SHROOM2: variants seen among roughly 807,000 people sequenced by gnomAD.
SHROOM2 encodes the protein shroom family member 2.
In SHROOM2, 33 loss-of-function variants were observed where a neutral mutation model predicts 75.9. The observed-to-expected ratio is 0.43, with a 90% CI of 0.33 to 0.58. SHROOM2 has a LOEUF of 0.58. Among genes scored for constraint, SHROOM2 ranks in the 20% least tolerant of loss-of-function variants. SHROOM2 has a pLI of 0.04. For missense variants in SHROOM2, 1,434 were observed against 1,461.2 expected (o/e 0.98, Z 0.30); for synonymous variants, 655 against 663.6 (o/e 0.99, Z 0.20).
intron 8 of SHROOM2, among the ~76,000 whole-genome samples, chrX:9,939,796 CTT>C (rs1033382406): frequency 4.5e-5 from 5 of 110,904 alleles, no homozygotes; most frequent in African/African-American, 9.8e-5. Context: ...AAAGTGGTAA[CTT>C]TTTTTTGAGA....
chrX:9,861,101 A>G (rs1601950590), intron 1 of SHROOM2, among the ~76,000 whole-genome samples: 1 of 112,423 alleles, frequency 8.9e-6, no homozygotes, highest in East Asian at 2.8e-4. Context: ...ATGCGATTAT[A>G]GTTAATGCTA....
At chrX:9,807,470 G>C (rs1360086145) in intron 1 of SHROOM2, among the ~76,000 whole-genome samples, 2 of 111,831 alleles carry the variant, frequency 1.8e-5, no homozygotes, top group Non-Finnish European at 3.8e-5. Flanking sequence ...ACAGGCTTCA[G>C]GTGTTTCTAA....
chrX:9,935,235 G>C (rs1187372314), intron 6 of SHROOM2, among the ~76,000 whole-genome samples: 1 of 111,366 alleles, frequency 9.0e-6, no homozygotes, highest in East Asian at 2.8e-4. Context: ...GAGCCGGGGG[G>C]GCGGGGGTGA....
At chrX:9,913,488 A>G (rs1238320565) in intron 5 of SHROOM2, among the ~76,000 whole-genome samples, 1 of 112,424 alleles carries the variant, frequency 8.9e-6, no homozygotes, top group Non-Finnish European at 1.9e-5. Flanking sequence ...GAAAGAGATG[A>G]TTAGTTTTGG....
At chrX:9,860,139 T>C (rs995719861) in intron 1 of SHROOM2, among the ~76,000 whole-genome samples, 10 of 111,777 alleles carry the variant, frequency 8.9e-5, no homozygotes, top group African/African-American at 3.3e-4. Flanking sequence ...AGGAGGGTGC[T>C]ACTGGCTTCT....
intron 2 of SHROOM2, among the ~76,000 whole-genome samples, chrX:9,889,653 G>A (rs2084279560): frequency 8.9e-6 from 1 of 112,343 alleles, no homozygotes; most frequent in African/African-American, 3.2e-5. Flanking sequence ...GGTGGGGACT[G>A]TGGCGGGGGA....
chrX:9,906,361 G>C (rs1226812899), intron 5 of SHROOM2, among the ~76,000 whole-genome samples: 1 of 111,867 alleles, frequency 8.9e-6, no homozygotes, highest in Admixed American at 9.5e-5. Flanking sequence ...TCTGATAGTG[G>C]TGATGGTGAC....
intron 5 of SHROOM2, among the ~76,000 whole-genome samples, chrX:9,902,339 A>C (rs1225531101): frequency 9.1e-6 from 1 of 110,450 alleles, no homozygotes; most frequent in Non-Finnish European, 1.9e-5. Context: ...ACATGGGTGC[A>C]TGGATGGATG....
intron 1 of SHROOM2, among the ~76,000 whole-genome samples, chrX:9,793,694 G>A (rs1466454559): frequency 9.0e-6 from 1 of 110,551 alleles, no homozygotes; most frequent in Non-Finnish European, 1.9e-5. Flanking sequence ...ATTTTTTGGT[G>A]TGGGGCCATC....
chrX:9,875,110 A>AAAAAAAAAG (rs2084192753), intron 2 of SHROOM2, among the ~76,000 whole-genome samples: 38 of 93,120 alleles, frequency 4.1e-4, no homozygotes, highest in African/African-American at 8.2e-4. Flanking sequence ...AAAAAAAAAA[A>AAAAAAAAAG]GGGGAGGAAG....
intron 2 of SHROOM2, among the ~76,000 whole-genome samples, chrX:9,880,796 A>T (rs1485832980): frequency 9.0e-6 from 1 of 111,705 alleles, no homozygotes; most frequent in African/African-American, 3.3e-5. Flanking sequence ...CTCCATAATG[A>T]AAACAACTTC....
intron 8 of SHROOM2, among the ~76,000 whole-genome samples, chrX:9,941,830 G>T (rs991454125): frequency 9.2e-6 from 1 of 108,682 alleles, no homozygotes; most frequent in Non-Finnish European, 1.9e-5. Context: ...AATTAGCCAG[G>T]CGTGGTGGCG....
intron 8 of SHROOM2, among the ~76,000 whole-genome samples, chrX:9,941,260 G>T (rs2084766046): frequency 8.9e-6 from 1 of 111,975 alleles, no homozygotes; most frequent in Non-Finnish European, 1.9e-5. Context: ...GGAGGGATGA[G>T]AGTGGCTGTG....
intron 5 of SHROOM2, among the ~76,000 whole-genome samples, chrX:9,915,239 C>T (rs747838099): frequency 9.0e-6 from 1 of 111,612 alleles, no homozygotes; most frequent in East Asian, 2.8e-4. Flanking sequence ...GGGAGAGAAG[C>T]CAGGGACTCA....
intron 1 of SHROOM2, chrX:9,818,879 T>C: frequency 1.9e-6 from 1 of 534,612 alleles, no homozygotes; most frequent in Admixed American, 2.6e-5. Flanking sequence ...TCATCCATTC[T>C]GCACCTTTGA....
chrX:9,887,535 T>A (rs1324540809), intron 2 of SHROOM2, among the ~76,000 whole-genome samples: 1 of 112,119 alleles, frequency 8.9e-6, no homozygotes, highest in Non-Finnish European at 1.9e-5. Flanking sequence ...TTTAAGATGA[T>A]TACTCTCCAT....
At chrX:9,857,172 G>T (rs967968903) in intron 1 of SHROOM2, among the ~76,000 whole-genome samples, 34 of 112,278 alleles carry the variant, frequency 3.0e-4, no homozygotes, top group African/African-American at 9.7e-4. Flanking sequence ...AACAGTGAGG[G>T]AACGTTGAGA....
chrX:9,944,796 G>A lies in SHROOM2; in HGVS notation c.4467G>A (p.Arg1489=), dbSNP rs2084803301. The A allele has an allele frequency of 8.3e-7, 1 of 1,211,194 alleles. No individual in the cohort carries two copies. Among genetic ancestry groups the A allele is most frequent in the Non-Finnish European group, 1.1e-6 (1 of 895,486 alleles). Residue 1489 remains arginine, a synonymous_variant, in exon 9 of 10, where the codon CGG becomes CGA. Transcript: ENST00000380913. The stretch of plus-strand genomic sequence containing the variant: ...AGCCCAGCGAGTTTGACAAGTTCCG[G>A]ATGTTCATTGGAGACCTGGACAAAG... ...VCKPSEFDKF[R]MFIGDLDKVV... is the part of the protein sequence containing the mutation.
rs200757192 is a variant in SHROOM2, at chrX:9,823,206, TTCCTCC to T, written c.165+36519_165+36524del. ...TCTCCTCCTCCTCCTCCTTCTCCTC[TTCCTCC>T]TCCTCCTCCTCCTCCTCCTCCTTCT... On this transcript the variant is annotated intron_variant, in intron 1 of 9. Transcript: ENST00000380913. 5.0e-3 allele frequency among the ~76,000 whole-genome samples: 384 copies of T among 76,206 alleles called. 6 individuals are homozygous for T. The highest frequency in any genetic ancestry group is 0.015 in the African/African-American group (274 of 18,187). The allele number at this position is 76,206 out of a possible 115,157, so 66.2% of individuals were successfully genotyped here.
Sources: allele counts gnomAD v4.1 joint callset (sites outside exome capture counted in the v4.1 genomes callset), GRCh38; gene constraint gnomAD v4.1.1; transcripts MANE v1.5; gene names NCBI Gene and HGNC (gene_info 2026-07-23, HGNC 2026-07-21).